ENOX1: variants seen among roughly 807,000 people sequenced by gnomAD.
The protein encoded by ENOX1 is ecto-NOX disulfide-thiol exchanger 1.
In ENOX1, 42 loss-of-function variants were observed where a neutral mutation model predicts 82.5. The ratio of observed to expected loss-of-function variants is 0.51; its 90% CI spans 0.40 to 0.66. The LOEUF (loss-of-function observed/expected upper bound fraction) is 0.66, where lower values mean the gene tolerates loss of function less well. Among genes scored for constraint, ENOX1 ranks in the 30% least tolerant of loss-of-function variants. The pLI, the probability that ENOX1 is intolerant of heterozygous loss-of-function variation, is 0.00. For synonymous variants in ENOX1, 271 were observed against 282.2 expected (o/e 0.96, Z 0.40); for missense variants, 608 against 811.6 (o/e 0.75, Z 3.05).
chr13:43,542,559 C>T lies in ENOX1; in HGVS notation c.-218-58407G>A, dbSNP rs186365854. Among the ~76,000 whole-genome samples the T allele has an allele frequency of 3.0e-3, 461 of 152,114 alleles. 2 individuals carry two copies. The highest frequency in any genetic ancestry group is 0.011 in the African/African-American group (437 of 41,490). On this transcript the variant is annotated intron_variant, in intron 2 of 16. Coordinates refer to ENST00000690772, the MANE Select transcript of ENOX1 (RefSeq NM_001347969.2). ...CAAGCAATTCTCAGGCCTCAGCCTCCGGAGTAGCTGGGATTACAGGCACCT... is the reference window on the plus strand; with the variant it reads ...CAAGCAATTCTCAGGCCTCAGCCTCTGGAGTAGCTGGGATTACAGGCACCT...
chr13:43,691,715 T>C (rs1422512110), intron 1 of ENOX1, among the ~76,000 whole-genome samples: 1 of 151,602 alleles, frequency 6.6e-6, no homozygotes, highest in Non-Finnish European at 1.5e-5. Flanking sequence ...TTTTTTTTTT[T>C]TCCGAGACAG....
Position 43,224,223 on chromosome 13 carries a change from A to G in ENOX1, c.1715-85T>C, listed in dbSNP as rs545940360. The G allele has an allele frequency of 6.4e-6, 7 of 1,086,680 alleles. No homozygotes were observed. In the Admixed American group the frequency reaches 7.7e-5, roughly 12 times the overall value. 67.3% of individuals were successfully genotyped at this position (1,086,680 alleles called of 1,614,324 possible). A position where few individuals can be genotyped will look rare whatever the true frequency, so the allele number is the denominator to read the frequency against. Reference sequence around the variant, plus strand: ...ATAATGCTGTCTAATCCCAGTGACTATTTTGTCAGGCTGAGTTATGGTCTT... The same window carrying G: ...ATAATGCTGTCTAATCCCAGTGACTGTTTTGTCAGGCTGAGTTATGGTCTT... On this transcript the variant is annotated intron_variant, in intron 15 of 16. Transcript: ENST00000690772.
intron 3 of ENOX1, among the ~76,000 whole-genome samples, chr13:43,460,496 T>C (rs879281129): frequency 6.6e-6 from 1 of 152,080 alleles, no homozygotes; most frequent in Admixed American, 6.6e-5. Flanking sequence ...TGTGGAACTT[T>C]CTGTGTTAAA....
chr13:43,696,740 G>A (rs2086658363), intron 1 of ENOX1, among the ~76,000 whole-genome samples: 1 of 151,296 alleles, frequency 6.6e-6, no homozygotes, highest in Non-Finnish European at 1.5e-5. Context: ...ACTATAACCA[G>A]GACAATTCAA....
chr13:43,777,345 AAATAT>A lies in ENOX1; in HGVS notation c.-285+9302_-285+9306del, dbSNP rs548559885. ...AAAAAAGGCTGACTTTTAAAATGAG[AAATAT>A]AATAGTCCATAAAAGTAAATACATA... On this transcript the variant is annotated intron_variant, in intron 1 of 16. Coordinates refer to ENST00000690772, the MANE Select transcript of ENOX1 (RefSeq NM_001347969.2). 1.1e-4 allele frequency among the ~76,000 whole-genome samples: 17 copies of A among 152,364 alleles called. No homozygotes were observed. In the South Asian group the frequency reaches 3.1e-3, roughly 28 times the overall value.
chr13:43,557,702 G>A (rs1032273437), intron 2 of ENOX1, among the ~76,000 whole-genome samples: 8 of 152,176 alleles, frequency 5.3e-5, no homozygotes, highest in African/African-American at 1.9e-4. Flanking sequence ...GGAGGCTGAG[G>A]CAGGAGGATC....
chr13:43,519,437 G>T (rs1014947227), intron 2 of ENOX1, among the ~76,000 whole-genome samples: 1 of 152,128 alleles, frequency 6.6e-6, no homozygotes, highest in Non-Finnish European at 1.5e-5. Context: ...TCTATAGCCT[G>T]GTTGGCGACT....
At chr13:43,310,137 T>G (rs1238179472) in intron 11 of ENOX1, among the ~76,000 whole-genome samples, 1 of 102,162 alleles carries the variant, frequency 9.8e-6, no homozygotes, top group Non-Finnish European at 1.9e-5. Context: ...CGGGAGAGGT[T>G]GCAATGAGCC....
At chr13:43,379,394 A>C (rs1211434876) in intron 5 of ENOX1, among the ~76,000 whole-genome samples, 1 of 152,166 alleles carries the variant, frequency 6.6e-6, no homozygotes, top group Admixed American at 6.5e-5. Context: ...GTAGACAAAA[A>C]TATTAAATAT....
chr13:43,361,375 C>G lies in ENOX1; in HGVS notation c.286G>C (p.Gly96Arg). 1 of 1,613,468 alleles carries G rather than the reference C, an allele frequency of 6.2e-7. No homozygotes were observed. Among genetic ancestry groups the G allele is most frequent in the Non-Finnish European group, 8.5e-7 (1 of 1,179,892 alleles). The change falls in exon 6 of 17, where the codon GGC becomes CGC. Residue 96 changes from glycine (G) to arginine (R), a missense_variant. Physicochemically the swap from Gly to Arg is moderately radical, Grantham distance 125. Transcript: ENST00000690772. ...GGTGGGGGAGGTACCAGTCCAAGGC[C>G]TGGTATCATTGGGTTAATGGGGGTG... The part of the protein sequence containing the change: ...GITPINPMIP[G>R]LGLVPPPPPT...
At chr13:43,759,097 C>CTTTTTTT (rs3044251) in intron 1 of ENOX1, among the ~76,000 whole-genome samples, 1 of 122,436 alleles carries the variant, frequency 8.2e-6, no homozygotes, top group Non-Finnish European at 1.6e-5. Context: ...TGATAAGTTT[C>CTTTTTTT]TTTTTTTTTT....
chr13:43,722,662 A>T (rs2088659564), intron 1 of ENOX1, among the ~76,000 whole-genome samples: 1 of 152,160 alleles, frequency 6.6e-6, no homozygotes, highest in Admixed American at 6.5e-5. Flanking sequence ...ATTATTTTTT[A>T]AAATCATAAC....
intron 1 of ENOX1, among the ~76,000 whole-genome samples, chr13:43,733,392 A>G (rs1566847925): frequency 6.6e-6 from 1 of 152,176 alleles, no homozygotes; most frequent in Non-Finnish European, 1.5e-5. Flanking sequence ...GTTATTTTCC[A>G]CACAAAGAAC....
chr13:43,767,206 G>A (rs1284074454), intron 1 of ENOX1, among the ~76,000 whole-genome samples: 2 of 152,110 alleles, frequency 1.3e-5, no homozygotes, highest in Admixed American at 6.5e-5. Context: ...AATATTTCAC[G>A]CTAAGATTTT....
intron 8 of ENOX1, among the ~76,000 whole-genome samples, chr13:43,350,913 T>A (rs1461031359): frequency 6.6e-6 from 1 of 152,216 alleles, no homozygotes; most frequent in Non-Finnish European, 1.5e-5. Flanking sequence ...GACAGGGATT[T>A]TATGTTTGAA....
intron 14 of ENOX1, among the ~76,000 whole-genome samples, 174 bp downstream of exon 14, chr13:43,265,224 G>A (rs1207700474): frequency 2.0e-5 from 3 of 152,300 alleles, no homozygotes; most frequent in South Asian, 4.1e-4. Context: ...GATAAACTAG[G>A]CTGACAATAG....
At chr13:43,751,603 G>T (rs1372436065) in intron 1 of ENOX1, among the ~76,000 whole-genome samples, 1 of 152,048 alleles carries the variant, frequency 6.6e-6, no homozygotes, top group East Asian at 1.9e-4. Context: ...GCATTTTCTG[G>T]AGTTTGAAAT....
At chr13:43,380,047 A>G (rs998797717) in intron 5 of ENOX1, among the ~76,000 whole-genome samples, 1 of 151,906 alleles carries the variant, frequency 6.6e-6, no homozygotes, top group Admixed American at 6.6e-5. Context: ...CTTTTCTTTA[A>G]CTTTTTCTTT....
chr13:43,707,731 C>CAAAAAAAAA (rs1379285097), intron 1 of ENOX1, among the ~76,000 whole-genome samples: 3 of 49,232 alleles, frequency 6.1e-5, no homozygotes, highest in Non-Finnish European at 1.1e-4. Context: ...GACTCTGTCT[C>CAAAAAAAAA]AAAAAAAAAA....
Sources: gnomAD v4.1 joint callset for allele counts (sites outside exome capture counted in the v4.1 genomes callset) on GRCh38, gnomAD v4.1.1 for gene constraint, MANE v1.5 for transcripts, NCBI Gene and HGNC (gene_info 2026-07-23, HGNC 2026-07-21) for gene names.